Variants in RGS6 observed in about 807,000 individuals in gnomAD.
RGS6 encodes regulator of G protein signaling 6.
Under a neutral mutation model 78.5 loss-of-function variants are expected in RGS6, and 30 were observed. The ratio of observed to expected loss-of-function variants is 0.38; its 90% CI spans 0.29 to 0.52. The LOEUF (loss-of-function observed/expected upper bound fraction) is 0.52. RGS6 is among the 20% of genes least tolerant of loss of function. The probability of loss-of-function intolerance (pLI) is 0.85; values close to 1 mark genes in which losing one functional copy is unlikely to be tolerated. For synonymous variants in RGS6, 206 were observed against 206.0 expected (o/e 1.00, Z 0.00); for missense variants, 495 against 609.7 (o/e 0.81, Z 1.98).
At chr14:72,624,276 A>C in the RGS6 span, among the ~76,000 whole-genome samples, 1 of 151,474 alleles carries the variant, frequency 6.6e-6, no homozygotes, top group Non-Finnish European at 1.5e-5. Flanking sequence ...TTGGTGTAAT[A>C]CTGTTAACTA....
At chr14:72,570,783 A>G (rs75650894), downstream of RGS6, among the ~76,000 whole-genome samples, 154 of 152,360 alleles carry the variant, frequency 1.0e-3, 2 homozygotes, top group East Asian at 9.6e-4. Flanking sequence ...AGAGATCTAA[A>G]TATTCACAAG....
intron 17 of RGS6, among the ~76,000 whole-genome samples, chr14:72,559,455 G>A (rs1234900434): frequency 2.0e-5 from 3 of 152,180 alleles, no homozygotes; most frequent in African/African-American, 4.8e-5. Flanking sequence ...GTCTGAGCCT[G>A]CCCTCACTCA....
chr14:72,286,604 A>G (rs2062603241), intron 2 of RGS6, among the ~76,000 whole-genome samples: 1 of 152,042 alleles, frequency 6.6e-6, no homozygotes, highest in South Asian at 2.1e-4. Flanking sequence ...TTTGGGTAGT[A>G]TAGATATTTT....
At chr14:72,180,369 T>C (rs1227304007) in intron 2 of RGS6, among the ~76,000 whole-genome samples, 1 of 152,230 alleles carries the variant, frequency 6.6e-6, no homozygotes, top group African/African-American at 2.4e-5. Context: ...GCTTAATCAA[T>C]GTTTGTGTAA....
intron 2 of RGS6, among the ~76,000 whole-genome samples, chr14:72,140,439 T>A (rs945928553): frequency 6.6e-6 from 1 of 152,188 alleles, no homozygotes; most frequent in African/African-American, 2.4e-5. Context: ...TGACACAAGA[T>A]GTTAATGGGT....
At chr14:72,270,400 A>C (rs2059764262) in intron 2 of RGS6, among the ~76,000 whole-genome samples, 2 of 152,216 alleles carry the variant, frequency 1.3e-5, no homozygotes, top group Non-Finnish European at 2.9e-5. Flanking sequence ...GCCAATAGGA[A>C]AGGATGGGAG....
intron 3 of RGS6, among the ~76,000 whole-genome samples, chr14:72,385,312 G>A (rs755000526): frequency 1.3e-5 from 2 of 152,066 alleles, no homozygotes; most frequent in Admixed American, 6.6e-5. Flanking sequence ...TTAAAAGGGG[G>A]CGTCATTTTT....
intron 3 of RGS6, among the ~76,000 whole-genome samples, chr14:72,387,831 A>C (rs944937131): frequency 3.9e-5 from 6 of 152,160 alleles, no homozygotes; most frequent in Non-Finnish European, 8.8e-5. Flanking sequence ...GAGGCTCAGA[A>C]TCCAAGATCA....
At chr14:72,035,609 T>C (rs1240640356) in intron 2 of RGS6, among the ~76,000 whole-genome samples, 1 of 152,166 alleles carries the variant, frequency 6.6e-6, no homozygotes, top group African/African-American at 2.4e-5. Flanking sequence ...GCTATAAAAT[T>C]CCTTCCTAGT....
At chr14:72,073,219 A>G (rs150151402) in intron 2 of RGS6, among the ~76,000 whole-genome samples, 1 of 152,228 alleles carries the variant, frequency 6.6e-6, no homozygotes, top group Admixed American at 6.5e-5. Context: ...AAAGGGGTAC[A>G]GTAAGTCCTT....
chr14:72,388,239 C>CACACAT (rs1202620916), intron 3 of RGS6, among the ~76,000 whole-genome samples: 2 of 151,618 alleles, frequency 1.3e-5, no homozygotes, highest in Non-Finnish European at 3.0e-5. Flanking sequence ...GGAAAACACA[C>CACACAT]ACACATACAC....
rs1365670690 is a variant in RGS6, at chr14:72,522,905, T to G, written c.1278+4368T>G. ...TTGGGCATAAAGGATCTTCAGTTTT[T>G]GGGGGAGAGTAAGTTAGAGGAGACT... On this transcript the variant is annotated intron_variant, in intron 15 of 17. Coordinates refer to ENST00000553525, the MANE Select transcript of RGS6 (RefSeq NM_001204424.2). 3.3e-5 allele frequency among the ~76,000 whole-genome samples: 5 copies of G among 152,326 alleles called. No individual in the cohort carries two copies. The East Asian group carries it at 7.7e-4, about 23-fold the overall frequency.
chr14:72,351,819 C>T (rs2079151615), intron 2 of RGS6, among the ~76,000 whole-genome samples: 1 of 152,166 alleles, frequency 6.6e-6, no homozygotes, highest in African/African-American at 2.4e-5. Flanking sequence ...TGGATCCCAT[C>T]AAGAATCCTA....
At chr14:72,513,770 G>A (rs2096907291) in intron 14 of RGS6, 1 of 152,258 alleles carries the variant, frequency 6.6e-6, no homozygotes, top group African/African-American at 2.4e-5. Flanking sequence ...CTGCACAGCA[G>A]AGAATGAGTT....
chr14:72,473,065 G>A (rs2096128994), intron 9 of RGS6, 112 bp downstream of exon 9: 1 of 692,260 alleles, frequency 1.4e-6, no homozygotes, highest in African/African-American at 1.9e-5. Flanking sequence ...TAAGAAAATC[G>A]CTCAGCTTTG....
intron 2 of RGS6, among the ~76,000 whole-genome samples, chr14:72,027,347 C>A (rs1240653917): frequency 1.3e-5 from 2 of 152,070 alleles, no homozygotes; most frequent in Admixed American, 1.3e-4. Context: ...TACTTTATAC[C>A]TTACTGTATA....
chr14:72,179,753 G>T (rs905874545), intron 2 of RGS6, among the ~76,000 whole-genome samples: 1 of 150,078 alleles, frequency 6.7e-6, no homozygotes, highest in Non-Finnish European at 1.5e-5. Context: ...TTCTCAAAGT[G>T]TGGTCCCAAA....
At chr14:72,020,334 G>A (rs1465318511) in intron 2 of RGS6, among the ~76,000 whole-genome samples, 1 of 152,198 alleles carries the variant, frequency 6.6e-6, no homozygotes, top group Non-Finnish European at 1.5e-5. Flanking sequence ...CAGACCAAGT[G>A]CCTTTCTTTT....
intron 2 of RGS6, among the ~76,000 whole-genome samples, chr14:71,969,614 C>T (rs2093694281): frequency 6.6e-6 from 1 of 152,192 alleles, no homozygotes; most frequent in Non-Finnish European, 1.5e-5. Context: ...TTGTTTTCTA[C>T]CTTCTTCATT....
Sources: allele counts gnomAD v4.1 joint callset (sites outside exome capture counted in the v4.1 genomes callset), GRCh38; gene constraint gnomAD v4.1.1; transcripts MANE v1.5; gene names NCBI Gene and HGNC (gene_info 2026-07-23, HGNC 2026-07-21).